PLCE1: variants seen among roughly 807,000 people sequenced by gnomAD.
PLCE1 encodes 1-phosphatidylinositol 4,5-bisphosphate phosphodiesterase epsilon-1.
In PLCE1, 119 loss-of-function variants were observed where a neutral mutation model predicts 242.8. That is an observed-to-expected ratio of 0.49 (90% CI 0.42 to 0.57). The LOEUF (loss-of-function observed/expected upper bound fraction) is 0.57. PLCE1 is among the 20% of genes least tolerant of loss of function. PLCE1 has a pLI of 0.00. For synonymous variants in PLCE1, 945 were observed against 1,017.4 expected (o/e 0.93, Z 1.35); for missense variants, 2,441 against 2,788.8 (o/e 0.88, Z 2.81).
At chr10:94,055,382 C>G (rs1011388160) in intron 2 of PLCE1, among the ~76,000 whole-genome samples, 6 of 151,692 alleles carry the variant, frequency 4.0e-5, no homozygotes, top group African/African-American at 7.3e-5. Flanking sequence ...GCGATCTCCA[C>G]TCACTGCAAC....
chr10:94,292,513 A>G (rs2052676833), intron 22 of PLCE1, among the ~76,000 whole-genome samples: 1 of 152,164 alleles, frequency 6.6e-6, no homozygotes, highest in African/African-American at 2.4e-5. Context: ...CTGTATATGT[A>G]TATTATCTTG....
At chr10:94,012,449 A>G (rs2061187975) in intron 1 of PLCE1, among the ~76,000 whole-genome samples, 1 of 151,914 alleles carries the variant, frequency 6.6e-6, no homozygotes, top group South Asian at 2.1e-4. Context: ...TGGAGGGGTA[A>G]GGCTTAGGGA....
chr10:94,113,179 T>C (rs561679078), intron 2 of PLCE1, among the ~76,000 whole-genome samples: 1 of 152,002 alleles, frequency 6.6e-6, no homozygotes, highest in Non-Finnish European at 1.5e-5. Flanking sequence ...CTAAAATTGA[T>C]TGTGGTGTAA....
chr10:94,301,808 C>T (rs1236163474), intron 24 of PLCE1, among the ~76,000 whole-genome samples: 1 of 152,142 alleles, frequency 6.6e-6, no homozygotes, highest in Admixed American at 6.5e-5. Context: ...AGAACAATAC[C>T]GCCTCACACC....
In PLCE1 at chr10:94,227,466, G is replaced by A; in HGVS notation, c.1955+15G>A. 1 of 1,611,546 alleles carries A rather than the reference G, an allele frequency of 6.2e-7. No individual in the cohort carries two copies. The highest frequency in any genetic ancestry group is 1.3e-5 in the African/African-American group (1 of 75,008). On this transcript the variant is annotated intron_variant, in intron 5 of 32. Transcript: ENST00000371380. ...GCTGGCCTCAGGTATAGTCAGTGGG[G>A]AATATGGTTATCTTGGCACAATCGC... is the stretch of plus-strand genomic sequence containing the variant.
intron 4 of PLCE1, among the ~76,000 whole-genome samples, chr10:94,198,061 A>G (rs948146365): frequency 5.2e-5 from 7 of 133,912 alleles, no homozygotes; most frequent in Non-Finnish European, 9.3e-5. Flanking sequence ...GAACTGATGA[A>G]CCACCCCCCA....
chr10:94,307,753 A>C (rs1340941226), intron 26 of PLCE1, among the ~76,000 whole-genome samples: 1 of 152,146 alleles, frequency 6.6e-6, no homozygotes, highest in Non-Finnish European at 1.5e-5. Context: ...ACCCCATTTT[A>C]ACTTAGTTAC....
chr10:94,283,923 G>A lies in PLCE1; in HGVS notation c.4917+12G>A, dbSNP rs749247250. On this transcript the variant is annotated intron_variant, in intron 21 of 32. Transcript: ENST00000371380. The stretch of plus-strand genomic sequence containing the variant: ...GCAACAAAGGAAAGGTGGGTGAACG[G>A]TTTCTGTTAAATGACACTTTGACCA... The A allele has an allele frequency of 1.2e-6, 2 of 1,608,840 alleles. No individual in the cohort carries two copies. The highest frequency in any genetic ancestry group is 1.1e-5 in the South Asian group (1 of 90,666).
intron 27 of PLCE1, among the ~76,000 whole-genome samples, chr10:94,309,765 C>T (rs547429029): frequency 2.0e-5 from 3 of 152,258 alleles, no homozygotes; most frequent in South Asian, 2.1e-4. Context: ...CTGAGTGCAG[C>T]GGCTCATGCC....
intron 2 of PLCE1, among the ~76,000 whole-genome samples, chr10:94,079,559 T>A (rs1300585240): frequency 6.6e-6 from 1 of 152,066 alleles, no homozygotes; most frequent in African/African-American, 2.4e-5. Context: ...GTAACAAAAC[T>A]GTACGTTCTG....
At position 94,125,711 on chromosome 10, in the gene PLCE1, T is replaced by C. The variant is rs1450154118; in HGVS notation, c.1207-6463T>C. ...ATGGACCTCTAAGTAACACACTTTC[T>C]TCCTGTTGAAAGATTTCAGAAGATA... On this transcript the variant is annotated intron_variant, in intron 2 of 32. Transcript: ENST00000371380. Among the ~76,000 whole-genome samples, 6 of 152,336 alleles carry C rather than the reference T, an allele frequency of 3.9e-5. No homozygotes were observed. The East Asian group carries it at 9.6e-4, about 24-fold the overall frequency.
At chr10:94,023,227 C>T (rs2061404032) in intron 1 of PLCE1, among the ~76,000 whole-genome samples, 1 of 152,136 alleles carries the variant, frequency 6.6e-6, no homozygotes, top group Non-Finnish European at 1.5e-5. Flanking sequence ...GCATTAAGTG[C>T]TAGGCTGATT....
chr10:94,204,735 A>C (rs540322500), intron 4 of PLCE1, among the ~76,000 whole-genome samples: 1 of 139,778 alleles, frequency 7.2e-6, no homozygotes, highest in Non-Finnish European at 1.5e-5. Context: ...AAGGAAGGAA[A>C]GAAGAAGGGA....
At chr10:94,067,625 G>A (rs1048160638) in intron 2 of PLCE1, among the ~76,000 whole-genome samples, 7 of 152,174 alleles carry the variant, frequency 4.6e-5, no homozygotes, top group Non-Finnish European at 5.9e-5. Context: ...ACACCCCAGG[G>A]CTAACAGCAA....
chr10:94,006,788 C>G (rs2061047413), intron 1 of PLCE1, among the ~76,000 whole-genome samples: 1 of 152,164 alleles, frequency 6.6e-6, no homozygotes, highest in African/African-American at 2.4e-5. Context: ...GGGAAAATAG[C>G]TGATACAATA....
At chr10:94,182,893 A>T (rs1195686054) in intron 4 of PLCE1, among the ~76,000 whole-genome samples, 1 of 152,218 alleles carries the variant, frequency 6.6e-6, no homozygotes, top group Non-Finnish European at 1.5e-5. Flanking sequence ...AGAAACAATA[A>T]TGGATCCGGT....
chr10:94,190,265 G>C (rs1359990938), intron 4 of PLCE1, among the ~76,000 whole-genome samples: 1 of 152,188 alleles, frequency 6.6e-6, no homozygotes, highest in African/African-American at 2.4e-5. Context: ...GGCTGATAGA[G>C]CCCAACGTTG....
intron 1 of PLCE1, among the ~76,000 whole-genome samples, chr10:94,020,619 T>C (rs1261863993): frequency 3.9e-5 from 6 of 152,204 alleles, no homozygotes; most frequent in Non-Finnish European, 4.4e-5. Context: ...GTCGGACTAT[T>C]ATCTATTTTG....
chr10:93,995,000 C>A (rs2060793958), intron 1 of PLCE1, among the ~76,000 whole-genome samples: 1 of 152,136 alleles, frequency 6.6e-6, no homozygotes, highest in Non-Finnish European at 1.5e-5. Flanking sequence ...GCAAAATTTG[C>A]CCGTAGGTCT....
Sources: allele counts gnomAD v4.1 joint callset (sites outside exome capture counted in the v4.1 genomes callset), GRCh38; gene constraint gnomAD v4.1.1; transcripts MANE v1.5; gene names NCBI Gene and HGNC (gene_info 2026-07-23, HGNC 2026-07-21).